The following NEDD4L variants were observed in gnomAD, a reference collection of about 807,000 sequenced individuals.
The protein encoded by NEDD4L is E3 ubiquitin-protein ligase NEDD4-like.
Under a neutral mutation model 148.9 loss-of-function variants are expected in NEDD4L, and 54 were observed. The ratio of observed to expected loss-of-function variants is 0.36; its 90% CI spans 0.29 to 0.45. NEDD4L has a LOEUF of 0.45. Ranked by LOEUF, NEDD4L falls within the 20% of genes least tolerant of loss-of-function variation. The pLI is 1.00. For synonymous variants in NEDD4L, 433 were observed against 440.7 expected (o/e 0.98, Z 0.22); for missense variants, 856 against 1,233.8 (o/e 0.69, Z 4.59).
Position 58,389,248 on chromosome 18 carries a change from C to CTG in NEDD4L, c.2655+61_2655+62dup, listed in dbSNP as rs139673504. On this transcript the variant is annotated intron_variant, in intron 28 of 30. Coordinates refer to ENST00000400345, the MANE Select transcript of NEDD4L (RefSeq NM_001144967.3). ...CCTCCACCTGAGGCAGGATTGAGGG[C>CTG]TGTGTGGCGCCCTCCATTGTGGTCT... 5,619 of 1,273,778 alleles carry CTG rather than the reference C, an allele frequency of 4.4e-3. 170 individuals carry two copies. In the African/African-American group the frequency reaches 0.074, roughly 17 times the overall value. The allele number at this position is 1,273,778 out of a possible 1,614,324, so 78.9% of individuals were successfully genotyped here.
At chr18:58,263,433 C>G (rs758057798) in intron 5 of NEDD4L, among the ~76,000 whole-genome samples, 1 of 152,136 alleles carries the variant, frequency 6.6e-6, no homozygotes, top group Non-Finnish European at 1.5e-5. Context: ...CATCATCACT[C>G]ATTATCTTGC....
intron 9 of NEDD4L, among the ~76,000 whole-genome samples, chr18:58,327,709 A>G (rs2059425966): frequency 2.6e-5 from 4 of 152,250 alleles, no homozygotes; most frequent in Admixed American, 2.6e-4. Flanking sequence ...GAAAGAGTCT[A>G]TAATGAGTGT....
At chr18:58,222,663 C>T (rs182059039) in intron 2 of NEDD4L, among the ~76,000 whole-genome samples, 6 of 152,252 alleles carry the variant, frequency 3.9e-5, no homozygotes, top group African/African-American at 1.4e-4. Flanking sequence ...GCCACACCTT[C>T]GTATTAATGA....
intron 2 of NEDD4L, among the ~76,000 whole-genome samples, chr18:58,221,037 A>G (rs1489610152): frequency 1.3e-5 from 2 of 152,066 alleles, no homozygotes; most frequent in African/African-American, 4.8e-5. Flanking sequence ...TCATCTGACT[A>G]TTGATTCTTT....
chr18:58,394,027 C>T (rs1363972712), intron 30 of NEDD4L, among the ~76,000 whole-genome samples: 3 of 152,216 alleles, frequency 2.0e-5, no homozygotes, highest in Non-Finnish European at 4.4e-5. Flanking sequence ...AAAATCATCT[C>T]GTTCAGCCCA....
intron 1 of NEDD4L, among the ~76,000 whole-genome samples, chr18:58,047,708 ACTT>A (rs2081651924): frequency 6.6e-6 from 1 of 152,122 alleles, no homozygotes; most frequent in Non-Finnish European, 1.5e-5. Flanking sequence ...GTTTAACAAA[ACTT>A]CTGATTCATG....
chr18:58,396,499 A>G lies in NEDD4L; in HGVS notation c.*230A>G, dbSNP rs116948161. ...CAACTGGTTGATGTGTACACTAATT[A>G]CATTTCAGGAGGACTTAATGCTATT... On this transcript the variant is annotated 3_prime_UTR_variant, in exon 31 of 31. Transcript: ENST00000400345. The G allele has an allele frequency of 9.7e-4, 402 of 414,738 alleles. 2 individuals are homozygous for G. The highest frequency in any genetic ancestry group is 1.4e-3 in the Non-Finnish European group (317 of 226,148). The allele number at this position is 414,738 out of a possible 1,614,324, so 25.7% of individuals were successfully genotyped here.
chr18:58,393,283 C>G (rs1441121468), intron 30 of NEDD4L, among the ~76,000 whole-genome samples: 2 of 152,170 alleles, frequency 1.3e-5, no homozygotes, highest in African/African-American at 4.8e-5. Context: ...ACCTCAGCTG[C>G]ATGTTGGAAC....
chr18:58,372,830 C>A (rs954957014), intron 23 of NEDD4L, among the ~76,000 whole-genome samples: 1,653 of 131,768 alleles, frequency 0.013, no homozygotes, highest in Middle Eastern at 0.023. Context: ...ATCTCAAAAA[C>A]AAAAAAAAAA....
At chr18:58,324,922 G>C in intron 8 of NEDD4L, 74 bp from the exon 9 acceptor site, 1 of 1,360,160 alleles carries the variant, frequency 7.4e-7, no homozygotes, top group Non-Finnish European at 1.0e-6. Context: ...GGGCATGCAG[G>C]GCATGCTGTG....
intron 13 of NEDD4L, among the ~76,000 whole-genome samples, chr18:58,337,522 C>T (rs2041924230): frequency 6.6e-6 from 1 of 152,174 alleles, no homozygotes; most frequent in Non-Finnish European, 1.5e-5. Context: ...CCCCTGTGCT[C>T]TCACAGACAT....
intron 24 of NEDD4L, among the ~76,000 whole-genome samples, chr18:58,377,283 A>G (rs553361593): frequency 5.9e-5 from 9 of 152,296 alleles, no homozygotes; most frequent in African/African-American, 1.7e-4. Context: ...AAGAAAGCCC[A>G]TTCCTCCCCA....
intron 1 of NEDD4L, among the ~76,000 whole-genome samples, chr18:58,125,698 G>A (rs2030956560): frequency 6.6e-6 from 1 of 152,140 alleles, no homozygotes; most frequent in Non-Finnish European, 1.5e-5. Context: ...AACTTTTCTA[G>A]TAGTCACATT....
chr18:58,093,092 T>A (rs2145334707), intron 1 of NEDD4L, among the ~76,000 whole-genome samples: 1 of 152,232 alleles, frequency 6.6e-6, no homozygotes, highest in South Asian at 2.1e-4. Context: ...CAGCAGTATG[T>A]GGACAGATTC....
chr18:58,138,474 G>A lies in NEDD4L; in HGVS notation c.49-27314G>A, dbSNP rs998552008. ...ATGGCCTGAAAGACAAGCCATTTTA[G>A]TTAGTTTTTGGATACATTACGAAGT... On this transcript the variant is annotated intron_variant, in intron 1 of 30. Coordinates refer to ENST00000400345, the MANE Select transcript of NEDD4L (RefSeq NM_001144967.3). 3.3e-5 allele frequency among the ~76,000 whole-genome samples: 5 copies of A among 151,270 alleles called. No homozygotes were observed. The Admixed American group carries it at 3.3e-4, about 10-fold the overall frequency.
chr18:58,046,750 G>A (rs1033377572), intron 1 of NEDD4L: 9 of 152,182 alleles, frequency 5.9e-5, no homozygotes, highest in African/African-American at 1.9e-4. Flanking sequence ...TGCTAGAAGG[G>A]AATTTGGGGC....
intron 4 of NEDD4L, among the ~76,000 whole-genome samples, chr18:58,249,624 A>G (rs1231948911): frequency 1.3e-5 from 2 of 152,232 alleles, no homozygotes; most frequent in Non-Finnish European, 2.9e-5. Context: ...TCTCTTCAAA[A>G]CGAAGGTATC....
chr18:58,302,766 G>A (rs919027728), intron 5 of NEDD4L, among the ~76,000 whole-genome samples: 2 of 152,164 alleles, frequency 1.3e-5, no homozygotes. Context: ...GGGAAGGATT[G>A]GTGCCCATTT....
At chr18:58,385,648 G>T in intron 26 of NEDD4L, 62 bp downstream of exon 26, 2 of 1,348,402 alleles carry the variant, frequency 1.5e-6, no homozygotes, top group Non-Finnish European at 2.1e-6. Context: ...ATGGGGGATC[G>T]CGCTTCTCCT....
Sources: allele counts gnomAD v4.1 joint callset (sites outside exome capture counted in the v4.1 genomes callset), GRCh38; gene constraint gnomAD v4.1.1; transcripts MANE v1.5; gene names NCBI Gene and HGNC (gene_info 2026-07-23, HGNC 2026-07-21).